Variants in TMCC2 observed in about 807,000 individuals in gnomAD.
TMCC2 encodes the protein transmembrane and coiled-coil domains protein 2.
A neutral mutation model predicts 49.4 loss-of-function variants in TMCC2; 16 were observed. The ratio of observed to expected loss-of-function variants is 0.32; its 90% CI spans 0.22 to 0.49. The LOEUF is 0.49. TMCC2 is among the 20% of genes least tolerant of loss of function. TMCC2 has a pLI of 0.99. For synonymous variants in TMCC2, 397 were observed against 434.1 expected, an observed-to-expected ratio of 0.91 and a Z score of 1.06; for missense variants, 762 against 989.8, an observed-to-expected ratio of 0.77 and a Z score of 3.09.
At chr1:205,229,649 T>C (rs1659714287) in intron 1 of TMCC2, 26 of 984,570 alleles carry the variant, frequency 2.6e-5, no homozygotes, top group Non-Finnish European at 3.1e-5. Context: ...GCCTGCCTGC[T>C]GAACCAACCC....
In TMCC2 at chr1:205,241,404, A is replaced by G; in HGVS notation, c.208-101A>G. On this transcript the variant is annotated intron_variant, in intron 1 of 4. Coordinates refer to ENST00000358024, the MANE Select transcript of TMCC2 (RefSeq NM_014858.4). This position sits in a 1 kb window ranked among gnomAD's most constrained non-coding sequence, Gnocchi z 7.3. ...CCAGGTTCAGATGGCTGCATTAGCT[A>G]TGCCAGTCTACCAAGGACAGACCCT... 1 of 1,252,482 alleles carries G rather than the reference A, an allele frequency of 8.0e-7. No homozygotes were observed. The highest frequency in any genetic ancestry group is 1.5e-5 in the African/African-American group (1 of 66,076). 77.6% of individuals were successfully genotyped at this position (1,252,482 alleles called of 1,614,324 possible). A position where few individuals can be genotyped will look rare whatever the true frequency, so the allele number is the denominator to read the frequency against.
At chr1:205,230,136 C>T (rs1349567034) in intron 1 of TMCC2, 1 of 985,424 alleles carries the variant, frequency 1.0e-6, no homozygotes, top group Non-Finnish European at 1.2e-6. Context: ...CTCATTTGGC[C>T]TGAGCAGCTC....
chr1:205,233,869 T>C (rs1260686247), intron 1 of TMCC2: 1 of 151,810 alleles, frequency 6.6e-6, no homozygotes, highest in South Asian at 2.1e-4. Flanking sequence ...CTTTTTTTTT[T>C]AAAGGGTAGT....
chr1:205,233,307 G>C lies in TMCC2; in HGVS notation c.207+4536G>C, dbSNP rs556861007. Among the ~76,000 whole-genome samples, 25 of 152,318 alleles carry C rather than the reference G, an allele frequency of 1.6e-4. No individual in the cohort carries two copies. In the South Asian group the frequency reaches 5.2e-3, roughly 32 times the overall value. On this transcript the variant is annotated intron_variant, in intron 1 of 4. Coordinates refer to ENST00000358024, the MANE Select transcript of TMCC2 (RefSeq NM_014858.4). Reference sequence around the variant, plus strand: ...ATTAATATATTTCCCTGAAGAAAAAGGGGGAGCTCCAAATTCCATCATTCC... The same window carrying C: ...ATTAATATATTTCCCTGAAGAAAAACGGGGAGCTCCAAATTCCATCATTCC...
In TMCC2 at chr1:205,241,972, C is replaced by T. The variant is rs774802064; in HGVS notation, c.675C>T (p.Asp225=). ...QCRPRSSSTT[D]TALLLADGSN... ...GTCCCCGCTCTTCCTCCACCACCGA[C>T]ACTGCTCTGCTGCTGGCCGACGGCA... The change falls in exon 2 of 5, where the codon GAC becomes GAT. Residue 225 remains aspartate, a synonymous_variant. Coordinates refer to ENST00000358024, the MANE Select transcript of TMCC2 (RefSeq NM_014858.4). The surrounding 1 kb of genome is among the most constrained non-coding windows in gnomAD (Gnocchi z 7.3). 24 of 1,611,214 alleles carry T rather than the reference C, an allele frequency of 1.5e-5. No homozygotes were observed. The highest frequency in any genetic ancestry group is 1.1e-4 in the South Asian group (10 of 90,964).
chr1:205,270,259 G>A (rs1486147459), intron 3 of TMCC2, among the ~76,000 whole-genome samples: 1 of 152,170 alleles, frequency 6.6e-6, no homozygotes, highest in Non-Finnish European at 1.5e-5. Flanking sequence ...TGTTGGCCAG[G>A]CTGGTCTCGA....
At chr1:205,233,616 T>C (rs1413143898) in intron 1 of TMCC2, among the ~76,000 whole-genome samples, 1 of 152,134 alleles carries the variant, frequency 6.6e-6, no homozygotes, top group Non-Finnish European at 1.5e-5. Context: ...AGTCAGCAGA[T>C]ACCACCTTCA....
At chr1:205,229,530 C>A (rs1029811229) in intron 1 of TMCC2, 6 of 590,524 alleles carry the variant, frequency 1.0e-5, no homozygotes, top group Non-Finnish European at 5.8e-6. Context: ...CTCAGTTTGC[C>A]GATCTGTGAA....
At chr1:205,234,840 G>A (rs1574828887) in intron 1 of TMCC2, among the ~76,000 whole-genome samples, 1 of 152,172 alleles carries the variant, frequency 6.6e-6, no homozygotes, top group East Asian at 1.9e-4. Flanking sequence ...TCTATTTTGA[G>A]TAGAGATGGG....
chr1:205,241,666 G>A lies in TMCC2; in HGVS notation c.369G>A (p.Lys123=). 1.9e-6 allele frequency: 3 copies of A among 1,613,830 alleles called. No individual in the cohort carries two copies. The highest frequency in any genetic ancestry group is 2.5e-6 in the Non-Finnish European group (3 of 1,179,988). ...CCGACCATGACTCCCCAGATGAGAA[G>A]GAGCGCTCTCCGGAGATGCATCGCG... The part of the protein sequence containing the change: ...GMSDHDSPDE[K]ERSPEMHRVS... Residue 123 remains lysine (K), a synonymous_variant, in exon 2 of 5, where the codon AAG becomes AAA. Coordinates refer to ENST00000358024, the MANE Select transcript of TMCC2 (RefSeq NM_014858.4). This position sits in a 1 kb window ranked among gnomAD's most constrained non-coding sequence, Gnocchi z 7.3.
intron 1 of TMCC2, among the ~76,000 whole-genome samples, chr1:205,237,946 G>A (rs12119587): frequency 0.025 from 3,744 of 152,244 alleles, 84 homozygotes; most frequent in Non-Finnish European, 0.034. Flanking sequence ...TTCTGGGGAC[G>A]GCACTTCTTG....
intron 2 of TMCC2, chr1:205,267,787 C>A: frequency 1.3e-6 from 1 of 766,204 alleles, no homozygotes; most frequent in Non-Finnish European, 1.6e-6. Flanking sequence ...ACTCGGGAAG[C>A]CTGCCCGCCT....
intron 1 of TMCC2, among the ~76,000 whole-genome samples, chr1:205,236,083 AAAAAG>A (rs1452225737): frequency 6.6e-6 from 1 of 152,052 alleles, no homozygotes; most frequent in Non-Finnish European, 1.5e-5. Context: ...AAAAAAAAAA[AAAAAG>A]AACAGTTATT....
At chr1:205,247,975 G>A (rs11580253) in intron 2 of TMCC2, among the ~76,000 whole-genome samples, 3,706 of 152,302 alleles carry the variant, frequency 0.024, 62 homozygotes, top group East Asian at 0.067. Context: ...ACGGGGGACA[G>A]ATAGGGGCTC....
Position 205,241,415 on chromosome 1 carries a change from C to T in TMCC2, c.208-90C>T. On this transcript the variant is annotated intron_variant, in intron 1 of 4. Transcript: ENST00000358024. The surrounding 1 kb of genome is among the most constrained non-coding windows in gnomAD (Gnocchi z 7.3). ...TGGCTGCATTAGCTATGCCAGTCTA[C>T]CAAGGACAGACCCTTCACCTTCACC... is the stretch of plus-strand genomic sequence containing the variant. 1.5e-6 allele frequency: 2 copies of T among 1,375,508 alleles called. No homozygotes were observed. Among genetic ancestry groups the T allele is most frequent in the South Asian group, 2.7e-5 (2 of 73,492 alleles). The allele number at this position is 1,375,508 out of a possible 1,614,324, so 85.2% of individuals were successfully genotyped here.
rs533730074 is a variant in TMCC2 at position 205,254,002 on chromosome 1, T to C, written c.747+11958T>C. On this transcript the variant is annotated intron_variant, in intron 2 of 4. Transcript: ENST00000358024. ...CTGCACAGAGTCTCCAAGGCTTGGCTCATTCACCCTCTCCTCCATCTCCTG... is the reference window on the plus strand; with the variant it reads ...CTGCACAGAGTCTCCAAGGCTTGGCCCATTCACCCTCTCCTCCATCTCCTG... 2.6e-5 allele frequency among the ~76,000 whole-genome samples: 4 copies of C among 152,312 alleles called. No individual in the cohort carries two copies. The South Asian group carries it at 8.3e-4, about 32-fold the overall frequency.
In TMCC2 at chr1:205,228,762, T is replaced by C. The variant is rs756689066; in HGVS notation, c.198T>C (p.Pro66=). ...ACCCAGGTCCCCGAAGCAAGCCTCC[T>C]GATTTAAAGGTGAGCGCAGACCATC... ...APNPGPRSKP[P]DLKKIQQLSE... is the part of the protein sequence containing the mutation. The change falls in exon 1 of 5, where the codon CCT becomes CCC. Residue 66 remains proline, a synonymous_variant. Coordinates refer to ENST00000358024, the MANE Select transcript of TMCC2 (RefSeq NM_014858.4). The C allele has an allele frequency of 9.3e-6, 15 of 1,604,770 alleles. No individual in the cohort carries two copies. The South Asian group carries it at 1.1e-4, about 12-fold the overall frequency.
rs745395559 is a variant in TMCC2 at position 205,268,986 on chromosome 1, G to A, written c.784G>A (p.Ala262Thr). 2.1e-5 allele frequency: 34 copies of A among 1,612,812 alleles called. No homozygotes were observed. The highest frequency in any genetic ancestry group is 2.0e-4 in the East Asian group (9 of 44,878). ...AGACCTGGTGGCCCTGAGCCTCCCC[G>A]CCGGCCATGGTGACACCGACGGCCC... ...KGDLVALSLP[A>T]GHGDTDGPIS... Residue 262 changes from alanine to threonine, a missense_variant, in exon 3 of 5, where the codon GCC (alanine) becomes ACC (threonine). Physicochemically the swap from Ala to Thr is moderately conservative, Grantham distance 58 (BLOSUM62 0). This residue lies in a region of TMCC2 where 440 missense variants were observed against 636.7 expected (regional missense o/e 0.69). Coordinates refer to ENST00000358024, the MANE Select transcript of TMCC2 (RefSeq NM_014858.4).
chr1:205,232,974 A>T, intron 1 of TMCC2, among the ~76,000 whole-genome samples: 1 of 127,890 alleles, frequency 7.8e-6, no homozygotes, highest in Non-Finnish European at 1.6e-5. Flanking sequence ...AAAAAAACAC[A>T]CACACAAAAA....
Sources: gnomAD v4.1 joint callset for allele counts (sites outside exome capture counted in the v4.1 genomes callset) on GRCh38, gnomAD v4.1.1 for gene constraint, gnomAD v4.1.1 regional missense constraint, Gnocchi (gnomAD v3.1) non-coding constraint, MANE v1.5 for transcripts, NCBI Gene and HGNC (gene_info 2026-07-23, HGNC 2026-07-21) for gene names.